CABIN1: variants seen among roughly 807,000 people sequenced by gnomAD.
CABIN1 encodes calcineurin-binding protein cabin-1.
Under a neutral mutation model 227.7 loss-of-function variants are expected in CABIN1, and 133 were observed. That is an observed-to-expected ratio of 0.58 (90% CI 0.51 to 0.67). The LOEUF is 0.67. Among genes scored for constraint, CABIN1 ranks in the 30% least tolerant of loss-of-function variants. The pLI, the probability that CABIN1 is intolerant of heterozygous loss-of-function variation, is 0.00. For missense variants in CABIN1, 2,408 were observed against 2,852.5 expected, an observed-to-expected ratio of 0.84 and a Z score of 3.55; for synonymous variants, 1,086 against 1,155.1, an observed-to-expected ratio of 0.94 and a Z score of 1.21.
At chr22:24,114,019 C>T (rs111736007) in intron 27 of CABIN1, among the ~76,000 whole-genome samples, 2,363 of 152,290 alleles carry the variant, frequency 0.016, 22 homozygotes, top group Non-Finnish European at 0.024. Context: ...CACAACCCAG[C>T]CCGGGAAAGC....
intron 26 of CABIN1, among the ~76,000 whole-genome samples, chr22:24,100,007 G>C (rs747960761): frequency 2.0e-5 from 3 of 152,264 alleles, no homozygotes; most frequent in Non-Finnish European, 2.9e-5. Flanking sequence ...AGCCACTGCA[G>C]ATCACTCAGG....
At chr22:24,154,990 C>T (rs546597990) in intron 29 of CABIN1, among the ~76,000 whole-genome samples, 7 of 151,986 alleles carry the variant, frequency 4.6e-5, no homozygotes, top group Non-Finnish European at 7.4e-5. Flanking sequence ...GAGAGAAGCT[C>T]GCTATGTGAT....
Position 24,089,755 on chromosome 22 carries a change from C to A in CABIN1, c.3526-1828C>A, listed in dbSNP as rs115541122. ...CTGTTCGAGCTGCTGTGTGCTTCAG[C>A]TTTTGCCCAGAAACTCCTCAGAGGT... On this transcript the variant is annotated intron_variant, in intron 23 of 36. Transcript: ENST00000263119. Among the ~76,000 whole-genome samples the A allele has an allele frequency of 4.3e-3, 655 of 152,336 alleles. 5 individuals are homozygous for A. The highest frequency in any genetic ancestry group is 0.015 in the African/African-American group (610 of 41,574).
intron 29 of CABIN1, among the ~76,000 whole-genome samples, chr22:24,148,373 G>A (rs1005974456): frequency 6.6e-6 from 1 of 152,242 alleles, no homozygotes; most frequent in Non-Finnish European, 1.5e-5. Flanking sequence ...GAGCCCCAGA[G>A]TTAAAGGGCA....
chr22:24,083,130 A>G, intron 19 of CABIN1, 98 bp from the exon 20 acceptor site: 1 of 1,261,034 alleles, frequency 7.9e-7, no homozygotes, highest in Non-Finnish European at 1.2e-6. Flanking sequence ...CTCAGGTTAA[A>G]AGAGTTGATA....
At chr22:24,175,968 C>T in intron 34 of CABIN1, 143 bp from the exon 35 acceptor site, 1 of 969,106 alleles carries the variant, frequency 1.0e-6, no homozygotes, top group Non-Finnish European at 1.6e-6. Flanking sequence ...ACCTGGACTG[C>T]CTCAGCCAGG....
chr22:24,077,284 TAG>T (rs2040509523), intron 19 of CABIN1, among the ~76,000 whole-genome samples: 1 of 152,140 alleles, frequency 6.6e-6, no homozygotes, highest in Non-Finnish European at 1.5e-5. Flanking sequence ...AAATTAACTT[TAG>T]AGAGAGTAGG....
chr22:24,089,448 A>G (rs1033915057), intron 23 of CABIN1, among the ~76,000 whole-genome samples: 23 of 152,194 alleles, frequency 1.5e-4, no homozygotes, highest in African/African-American at 4.8e-4. Flanking sequence ...TGGGTTCCCA[A>G]GCCATCTTGT....
chr22:24,151,327 C>T (rs1458270940), intron 29 of CABIN1, among the ~76,000 whole-genome samples: 2 of 152,132 alleles, frequency 1.3e-5, no homozygotes, highest in African/African-American at 4.8e-5. Flanking sequence ...AGTTTGGTTC[C>T]AAGGAATTCT....
intron 27 of CABIN1, among the ~76,000 whole-genome samples, chr22:24,115,970 C>G (rs886448778): frequency 5.3e-5 from 8 of 152,222 alleles, no homozygotes; most frequent in African/African-American, 1.9e-4. Context: ...AGAAACAGAT[C>G]TGACTGCCAC....
At chr22:24,134,468 A>C in intron 29 of CABIN1, 53 bp downstream of exon 29, 2 of 1,466,820 alleles carry the variant, frequency 1.4e-6, no homozygotes, top group Non-Finnish European at 1.9e-6. Flanking sequence ...ACTGCTTTTC[A>C]CTGAAGGCGC....
intron 2 of CABIN1, among the ~76,000 whole-genome samples, chr22:24,035,833 A>G (rs2146953624): frequency 6.6e-6 from 1 of 151,842 alleles, no homozygotes; most frequent in African/African-American, 2.4e-5. Context: ...TTGCTTTTGC[A>G]GTGGACAGTA....
At chr22:24,076,134 C>A in intron 18 of CABIN1, 35 bp from the exon 19 acceptor site, 1 of 1,558,506 alleles carries the variant, frequency 6.4e-7, no homozygotes, top group Non-Finnish European at 8.8e-7. Flanking sequence ...GGTTCCCACA[C>A]TAACTCTGTG....
At chr22:24,021,440 G>A (rs1435263276) in intron 1 of CABIN1, among the ~76,000 whole-genome samples, 1 of 152,118 alleles carries the variant, frequency 6.6e-6, no homozygotes, top group Non-Finnish European at 1.5e-5. Flanking sequence ...TTACAGGTGT[G>A]AGCCACAGTG....
At chr22:24,121,147 A>G (rs1241948686) in intron 28 of CABIN1, among the ~76,000 whole-genome samples, 2 of 152,202 alleles carry the variant, frequency 1.3e-5, no homozygotes, top group Non-Finnish European at 2.9e-5. Context: ...CTCCTCCTAG[A>G]GGTCTCCTGC....
chr22:24,087,334 G>A (rs2041233852), intron 22 of CABIN1, 118 bp from the exon 23 acceptor site: 1 of 1,333,582 alleles, frequency 7.5e-7, no homozygotes, highest in Non-Finnish European at 1.0e-6. Flanking sequence ...TGGGCTCTGA[G>A]CCCTGGTGTG....
In CABIN1 at chr22:24,035,514, G is replaced by A. The variant is rs777958662; in HGVS notation, c.-4G>A. 2 of 1,614,150 alleles carry A rather than the reference G, an allele frequency of 1.2e-6. No homozygotes were observed. Among genetic ancestry groups the A allele is most frequent in the South Asian group, 1.1e-5 (1 of 91,080 alleles). On this transcript the variant is annotated 5_prime_UTR_variant, in exon 2 of 37. It removes the in-frame stop codon of an upstream open reading frame in the 5' UTR. Coordinates refer to ENST00000263119, the MANE Select transcript of CABIN1 (RefSeq NM_012295.4). ...GCTCGTGGCAGTGCTGAATCTCTCT[G>A]AATATGGTAAGGACTGATGCCTGCC...
intron 27 of CABIN1, among the ~76,000 whole-genome samples, chr22:24,113,994 T>C (rs924390381): frequency 2.6e-5 from 4 of 152,234 alleles, no homozygotes; most frequent in African/African-American, 9.6e-5. Flanking sequence ...TGCTGCCTGT[T>C]GTTGTTATGA....
intron 1 of CABIN1, chr22:24,011,824 C>T (rs2146318570): frequency 6.6e-6 from 1 of 152,368 alleles, no homozygotes; most frequent in East Asian, 1.9e-4. Flanking sequence ...GTGAGCGCGA[C>T]TCCAGACTGA....
Sources: gnomAD v4.1 joint callset for allele counts (sites outside exome capture counted in the v4.1 genomes callset) on GRCh38, gnomAD v4.1.1 for gene constraint, MANE v1.5 for transcripts, NCBI Gene and HGNC (gene_info 2026-07-23, HGNC 2026-07-21) for gene names.